NSMCE2: variants seen among roughly 807,000 people sequenced by gnomAD.
NSMCE2 encodes the protein NSE2 SUMO ligase component of SMC5/6 complex.
In NSMCE2, 24 loss-of-function variants were observed where a neutral mutation model predicts 23.8. The ratio of observed to expected loss-of-function variants is 1.01; its 90% CI spans 0.73 to 1.42. The LOEUF (loss-of-function observed/expected upper bound fraction) is 1.42, where lower values mean the gene tolerates loss of function less well. NSMCE2 is among the 40% of genes most tolerant of loss of function. The probability of loss-of-function intolerance (pLI) is 0.00; values close to 1 mark genes in which losing one functional copy is unlikely to be tolerated. For synonymous variants in NSMCE2, 92 were observed against 94.1 expected, an observed-to-expected ratio of 0.98 and a Z score of 0.13; for missense variants, 284 against 296.5, an observed-to-expected ratio of 0.96 and a Z score of 0.31.
At chr8:125,263,131 G>A (rs1034599241) in intron 5 of NSMCE2, among the ~76,000 whole-genome samples, 1 of 152,188 alleles carries the variant, frequency 6.6e-6, no homozygotes, top group African/African-American at 2.4e-5. Flanking sequence ...AAATCAGCAA[G>A]TAATGATTAA....
At chr8:125,252,525 C>CA (rs1178004281) in intron 5 of NSMCE2, among the ~76,000 whole-genome samples, 18 of 151,038 alleles carry the variant, frequency 1.2e-4, no homozygotes, top group Admixed American at 7.2e-4. Flanking sequence ...GACTCTGTCT[C>CA]AAAAAAAAGA....
intron 3 of NSMCE2, among the ~76,000 whole-genome samples, chr8:125,104,067 T>C (rs1349086940): frequency 6.7e-6 from 1 of 150,268 alleles, no homozygotes; most frequent in East Asian, 2.0e-4. Context: ...CTCGGCTCAC[T>C]GCAACCTCCG....
At chr8:125,121,011 A>G (rs1323941317) in intron 3 of NSMCE2, among the ~76,000 whole-genome samples, 1 of 152,150 alleles carries the variant, frequency 6.6e-6, no homozygotes, top group Non-Finnish European at 1.5e-5. Flanking sequence ...TTTCATCACT[A>G]TTTCATTGTA....
chr8:125,175,800 ATT>A (rs1822456604), intron 4 of NSMCE2, among the ~76,000 whole-genome samples: 1 of 152,224 alleles, frequency 6.6e-6, no homozygotes, highest in African/African-American at 2.4e-5. Flanking sequence ...TGCATACAAT[ATT>A]GTTTGAAAGA....
intron 5 of NSMCE2, among the ~76,000 whole-genome samples, chr8:125,300,171 T>G (rs553975164): frequency 4.8e-5 from 7 of 145,526 alleles, no homozygotes; most frequent in Middle Eastern, 3.2e-3. Context: ...CTGTGCCTCT[T>G]TTTTTTTTTT....
intron 4 of NSMCE2, among the ~76,000 whole-genome samples, chr8:125,159,327 G>A (rs35564243): frequency 0.066 from 10,108 of 152,214 alleles, 435 homozygotes; most frequent in South Asian, 0.15. Context: ...TTAACGAGGG[G>A]CCATACATAT....
intron 4 of NSMCE2, among the ~76,000 whole-genome samples, chr8:125,177,012 A>G (rs141038783): frequency 4.7e-4 from 71 of 152,250 alleles, no homozygotes; most frequent in East Asian, 2.9e-3. Context: ...AGACTTCTCT[A>G]TTTTTTGCCC....
intron 3 of NSMCE2, among the ~76,000 whole-genome samples, chr8:125,114,929 G>A (rs770947962): frequency 6.6e-6 from 1 of 152,124 alleles, no homozygotes; most frequent in Non-Finnish European, 1.5e-5. Flanking sequence ...GGCAGTTAAG[G>A]CTTTTCCTTA....
In NSMCE2 at chr8:125,106,313, T is replaced by G. The variant is rs150850640; in HGVS notation, c.157+3826T>G. Among the ~76,000 whole-genome samples, 29 of 152,282 alleles carry G rather than the reference T, an allele frequency of 1.9e-4. No individual in the cohort carries two copies. In the East Asian group the frequency reaches 5.4e-3, roughly 28 times the overall value. The stretch of plus-strand genomic sequence containing the variant: ...ATAACTAATATCACCACTGATCTTA[T>G]CAGAAAAGTCATACGCTCTCAAATT... On this transcript the variant is annotated intron_variant, in intron 3 of 7. Transcript: ENST00000287437.
chr8:125,141,608 C>T (rs1820377080), intron 3 of NSMCE2, among the ~76,000 whole-genome samples: 1 of 152,172 alleles, frequency 6.6e-6, no homozygotes. Flanking sequence ...ACTCAGTGCT[C>T]CGTGAAGATT....
chr8:125,136,450 T>C (rs1358878182), intron 3 of NSMCE2, among the ~76,000 whole-genome samples: 1 of 152,154 alleles, frequency 6.6e-6, no homozygotes, highest in African/African-American at 2.4e-5. Flanking sequence ...GAGTCTAAGA[T>C]GACTTTATGT....
chr8:125,215,414 G>T (rs1824537764), intron 5 of NSMCE2, among the ~76,000 whole-genome samples: 1 of 151,560 alleles, frequency 6.6e-6, no homozygotes, highest in African/African-American at 2.4e-5. Context: ...GTGTATATAT[G>T]CCACATTTTC....
chr8:125,206,855 T>C (rs1457347412), intron 5 of NSMCE2, among the ~76,000 whole-genome samples: 4 of 151,326 alleles, frequency 2.6e-5, no homozygotes, highest in Non-Finnish European at 5.9e-5. Context: ...CAGGTGATAG[T>C]TGGAGCTCTA....
chr8:125,204,869 T>G (rs796526676), intron 5 of NSMCE2, among the ~76,000 whole-genome samples: 6 of 152,310 alleles, frequency 3.9e-5, no homozygotes, highest in African/African-American at 1.2e-4. Context: ...CAGCTCTAAC[T>G]AGATCCGGCC....
At chr8:125,158,166 A>G (rs561682955) in intron 4 of NSMCE2, among the ~76,000 whole-genome samples, 1 of 152,266 alleles carries the variant, frequency 6.6e-6, no homozygotes, top group East Asian at 1.9e-4. Flanking sequence ...TTTGTGGCAG[A>G]GTTTCTTGTG....
chr8:125,201,013 C>G (rs1823846647), intron 5 of NSMCE2, among the ~76,000 whole-genome samples: 1 of 152,176 alleles, frequency 6.6e-6, no homozygotes, highest in South Asian at 2.1e-4. Flanking sequence ...TGGTTTTCAG[C>G]TCTATCAATT....
chr8:125,330,758 C>G (rs1251964109), intron 5 of NSMCE2, among the ~76,000 whole-genome samples: 2 of 152,128 alleles, frequency 1.3e-5, no homozygotes, highest in East Asian at 3.9e-4. Flanking sequence ...ACGCCAGAGG[C>G]TTTGGAGGAG....
chr8:125,278,855 A>G (rs973599123), intron 5 of NSMCE2, among the ~76,000 whole-genome samples: 1 of 152,140 alleles, frequency 6.6e-6, no homozygotes, highest in Non-Finnish European at 1.5e-5. Context: ...CTGAAATTTT[A>G]TATCTAAGAT....
intron 5 of NSMCE2, among the ~76,000 whole-genome samples, chr8:125,286,419 G>A (rs1402427630): frequency 6.6e-6 from 1 of 151,076 alleles, no homozygotes; most frequent in Admixed American, 6.6e-5. Flanking sequence ...TTCAAGTGAT[G>A]CTCCTGCCTC....
Sources: gnomAD v4.1 joint callset for allele counts (sites outside exome capture counted in the v4.1 genomes callset) on GRCh38, gnomAD v4.1.1 for gene constraint, MANE v1.5 for transcripts, NCBI Gene and HGNC (gene_info 2026-07-23, HGNC 2026-07-21) for gene names.